The following ENOX1 variants were observed in gnomAD, a reference collection of about 807,000 sequenced individuals.
ENOX1 encodes ecto-NOX disulfide-thiol exchanger 1.
ENOX1 carries 42 observed loss-of-function variants against 82.5 expected under a neutral mutation model. That is an observed-to-expected ratio of 0.51 (90% confidence interval 0.40 to 0.66). ENOX1 has a LOEUF of 0.66. ENOX1 is among the 30% of genes least tolerant of loss of function. The pLI is 0.00. For missense variants in ENOX1, 608 were observed against 811.6 expected (o/e 0.75, Z 3.05); for synonymous variants, 271 against 282.2 (o/e 0.96, Z 0.40).
At chr13:43,414,080 G>A (rs945735146) in intron 3 of ENOX1, among the ~76,000 whole-genome samples, 1 of 152,008 alleles carries the variant, frequency 6.6e-6, no homozygotes, top group African/African-American at 2.4e-5. Flanking sequence ...TGTGAAGTTC[G>A]AACCTTTTAT....
intron 1 of ENOX1, among the ~76,000 whole-genome samples, chr13:43,692,864 A>C (rs1441525019): frequency 6.6e-6 from 1 of 152,176 alleles, no homozygotes; most frequent in Non-Finnish European, 1.5e-5. Flanking sequence ...AGTACATATT[A>C]AAAATTATGA....
chr13:43,533,769 C>G (rs1053460361), intron 2 of ENOX1, among the ~76,000 whole-genome samples: 1 of 152,108 alleles, frequency 6.6e-6, no homozygotes. Flanking sequence ...TCATTAAACT[C>G]GAATGGTCTC....
chr13:43,392,160 G>T (rs1040523827), intron 5 of ENOX1, among the ~76,000 whole-genome samples: 6 of 152,146 alleles, frequency 3.9e-5, no homozygotes, highest in Non-Finnish European at 5.9e-5. Flanking sequence ...AAGATTCATG[G>T]TAAGTTCCCC....
At chr13:43,394,457 T>A (rs933135343) in intron 5 of ENOX1, 2 of 152,190 alleles carry the variant, frequency 1.3e-5, no homozygotes, top group Non-Finnish European at 2.9e-5. Context: ...CTAAACAAGA[T>A]AATCTCCAGA....
intron 2 of ENOX1, among the ~76,000 whole-genome samples, chr13:43,626,183 A>G (rs2082953734): frequency 6.6e-6 from 1 of 151,852 alleles, no homozygotes; most frequent in African/African-American, 2.4e-5. Context: ...GTCTTCAGTG[A>G]CATATACAAT....
intron 5 of ENOX1, among the ~76,000 whole-genome samples, chr13:43,368,478 G>T (rs1002447296): frequency 6.6e-6 from 1 of 152,212 alleles, no homozygotes; most frequent in African/African-American, 2.4e-5. Context: ...TGCATGGAGC[G>T]TGCACTTGAA....
chr13:43,492,786 T>A (rs1220504395), intron 2 of ENOX1, among the ~76,000 whole-genome samples: 1 of 152,258 alleles, frequency 6.6e-6, no homozygotes, highest in East Asian at 1.9e-4. Flanking sequence ...TAAATTTTAA[T>A]GCAGTGATAG....
intron 1 of ENOX1, among the ~76,000 whole-genome samples, chr13:43,768,254 C>T (rs1240401139): frequency 6.6e-6 from 1 of 152,180 alleles, no homozygotes; most frequent in Admixed American, 6.5e-5. Flanking sequence ...CAAGTTCAGA[C>T]ATCTCCAAAT....
chr13:43,302,166 C>A (rs1482450548), intron 11 of ENOX1, among the ~76,000 whole-genome samples: 3 of 150,508 alleles, frequency 2.0e-5, no homozygotes, highest in Middle Eastern at 3.4e-3. Context: ...AGGAGTGCAC[C>A]GAGTGCCAAT....
intron 1 of ENOX1, among the ~76,000 whole-genome samples, chr13:43,760,746 C>T (rs1950916379): frequency 6.6e-6 from 1 of 151,304 alleles, no homozygotes; most frequent in Non-Finnish European, 1.5e-5. Context: ...ACTCTTTGCC[C>T]AAAACAAAGT....
chr13:43,477,118 C>T (rs549578810), intron 3 of ENOX1, among the ~76,000 whole-genome samples: 1 of 150,458 alleles, frequency 6.6e-6, no homozygotes, highest in Non-Finnish European at 1.5e-5. Context: ...TCTATGTAAA[C>T]TTAAAAAATA....
chr13:43,749,568 C>G (rs1054201088), intron 1 of ENOX1, among the ~76,000 whole-genome samples: 1 of 152,202 alleles, frequency 6.6e-6, no homozygotes, highest in African/African-American at 2.4e-5. Context: ...CAAAGATGCA[C>G]CTGTTTCCCA....
intron 12 of ENOX1, among the ~76,000 whole-genome samples, chr13:43,284,903 C>T (rs1451500486): frequency 6.6e-6 from 1 of 150,520 alleles, no homozygotes; most frequent in Non-Finnish European, 1.5e-5. Context: ...TAATGAGAGG[C>T]AATTATAAAA....
chr13:43,253,718 G>A (rs1211024068), intron 14 of ENOX1, among the ~76,000 whole-genome samples: 1 of 152,234 alleles, frequency 6.6e-6, no homozygotes, highest in East Asian at 1.9e-4. Context: ...ACCTGCTGGT[G>A]CATCCTTGCT....
chr13:43,529,779 A>G (rs560470064), intron 2 of ENOX1, among the ~76,000 whole-genome samples: 1 of 152,238 alleles, frequency 6.6e-6, no homozygotes, highest in South Asian at 2.1e-4. Flanking sequence ...AGATGAAGAC[A>G]TCGACAGAAG....
At chr13:43,499,739 T>G (rs1446083130) in intron 2 of ENOX1, among the ~76,000 whole-genome samples, 1 of 151,546 alleles carries the variant, frequency 6.6e-6, no homozygotes, top group East Asian at 1.9e-4. Context: ...AAAGACAAAA[T>G]AAAGCTCCAG....
chr13:43,423,855 T>A (rs2055128607), intron 3 of ENOX1, among the ~76,000 whole-genome samples: 1 of 152,248 alleles, frequency 6.6e-6, no homozygotes, highest in Non-Finnish European at 1.5e-5. Flanking sequence ...TGCACTCTTG[T>A]GTTCTTTTCA....
At chr13:43,474,799 T>A in intron 3 of ENOX1, among the ~76,000 whole-genome samples, 1 of 152,138 alleles carries the variant, frequency 6.6e-6, no homozygotes, top group Non-Finnish European at 1.5e-5. Context: ...AAAATTAATA[T>A]GGACCCTGAT....
intron 2 of ENOX1, among the ~76,000 whole-genome samples, chr13:43,659,407 T>C (rs1261383617): frequency 6.6e-6 from 1 of 152,020 alleles, no homozygotes; most frequent in Admixed American, 6.6e-5. Flanking sequence ...GGAGAATCGC[T>C]TGAGCCTGGG....
Sources: allele counts gnomAD v4.1 joint callset (sites outside exome capture counted in the v4.1 genomes callset), GRCh38; gene constraint gnomAD v4.1.1; transcripts MANE v1.5; gene names NCBI Gene and HGNC (gene_info 2026-07-23, HGNC 2026-07-21).